The following ADAMTS6 variants were observed in gnomAD, a reference collection of about 807,000 sequenced individuals.
ADAMTS6 encodes the protein A disintegrin and metalloproteinase with thrombospondin motifs 6.
A neutral mutation model predicts 144.3 loss-of-function variants in ADAMTS6; 23 were observed. The ratio of observed to expected loss-of-function variants is 0.16; its 90% CI spans 0.11 to 0.23. The LOEUF is 0.23. Ranked by LOEUF, ADAMTS6 falls within the 10% of genes least tolerant of loss-of-function variation. ADAMTS6 has a pLI of 1.00. For missense variants in ADAMTS6, 999 were observed against 1,379.6 expected, an observed-to-expected ratio of 0.72 and a Z score of 4.37; for synonymous variants, 444 against 457.5, an observed-to-expected ratio of 0.97 and a Z score of 0.38.
intron 7 of ADAMTS6, among the ~76,000 whole-genome samples, chr5:65,405,781 T>A (rs555505175): frequency 1.2e-4 from 19 of 152,348 alleles, no homozygotes; most frequent in Non-Finnish European, 1.5e-4. Flanking sequence ...TCCATGAGCA[T>A]GGAATGTTCT....
chr5:65,157,506 A>C (rs2111973985), intron 24 of ADAMTS6, among the ~76,000 whole-genome samples: 1 of 152,280 alleles, frequency 6.6e-6, no homozygotes. Flanking sequence ...ACCCTTCATG[A>C]CCAGGTTGGA....
chr5:65,471,126 A>G lies in ADAMTS6; in HGVS notation c.114T>C (p.Tyr38=), dbSNP rs1341595080. ...GAATAGTTAGCTGGTAGTGTTCAAGATAAGTCAGGAATTCCTCTTTGTAAT... is the reference window on the plus strand; with the variant it reads ...GAATAGTTAGCTGGTAGTGTTCAAGGTAAGTCAGGAATTCCTCTTTGTAAT... ...SYSSQEEFLT[Y]LEHYQLTIPI... is the part of the protein sequence containing the mutation. The change falls in exon 3 of 25, where the codon TAT becomes TAC. Residue 38 remains tyrosine (Y), a synonymous_variant. Transcript: ENST00000381055. 3 of 1,595,684 alleles carry G rather than the reference A, an allele frequency of 1.9e-6. No individual in the cohort carries two copies. Among genetic ancestry groups the G allele is most frequent in the Admixed American group, 1.8e-5 (1 of 54,882 alleles).
intron 24 of ADAMTS6, among the ~76,000 whole-genome samples, chr5:65,156,779 G>C (rs994986692): frequency 1.3e-5 from 2 of 152,148 alleles, no homozygotes; most frequent in Non-Finnish European, 2.9e-5. Context: ...AGATGAAGGA[G>C]GCTTATTTTC....
chr5:65,354,681 C>T (rs1250353209), intron 7 of ADAMTS6, among the ~76,000 whole-genome samples: 1 of 151,644 alleles, frequency 6.6e-6, no homozygotes, highest in Non-Finnish European at 1.5e-5. Flanking sequence ...CAGTAAACTA[C>T]TTTAATTTAG....
At chr5:65,273,541 G>A (rs1157373243) in intron 11 of ADAMTS6, 94 bp from the exon 12 acceptor site, 5 of 1,007,140 alleles carry the variant, frequency 5.0e-6, no homozygotes, top group Non-Finnish European at 7.5e-6. Context: ...TTACTTTCAA[G>A]AGACCCTGGG....
chr5:65,301,071 C>A (rs1228144842), intron 9 of ADAMTS6, among the ~76,000 whole-genome samples: 1 of 152,120 alleles, frequency 6.6e-6, no homozygotes. Flanking sequence ...TAGCCTCCTT[C>A]ATTTTTAAAA....
At chr5:65,458,912 A>C (rs1020608497) in intron 4 of ADAMTS6, among the ~76,000 whole-genome samples, 1 of 152,196 alleles carries the variant, frequency 6.6e-6, no homozygotes, top group Non-Finnish European at 1.5e-5. Flanking sequence ...TTGGGTAACT[A>C]GTATGTGCTA....
intron 20 of ADAMTS6, among the ~76,000 whole-genome samples, chr5:65,202,140 A>G (rs1482904595): frequency 6.6e-6 from 1 of 152,172 alleles, no homozygotes; most frequent in Non-Finnish European, 1.5e-5. Flanking sequence ...TCTTCTGAAG[A>G]GCCTCCTGCT....
chr5:65,320,778 C>G (rs1745539838), intron 9 of ADAMTS6, among the ~76,000 whole-genome samples: 2 of 152,126 alleles, frequency 1.3e-5, no homozygotes, highest in South Asian at 4.1e-4. Context: ...TTAGCTCCCA[C>G]TTATAAATGA....
intron 12 of ADAMTS6, among the ~76,000 whole-genome samples, chr5:65,272,242 C>A (rs1032258313): frequency 9.2e-5 from 14 of 152,154 alleles, no homozygotes; most frequent in African/African-American, 3.1e-4. Flanking sequence ...ATAGTTATTG[C>A]AAATTCAGTC....
At chr5:65,201,732 A>G (rs535796445) in intron 20 of ADAMTS6, among the ~76,000 whole-genome samples, 1 of 152,334 alleles carries the variant, frequency 6.6e-6, no homozygotes, top group African/African-American at 2.4e-5. Flanking sequence ...ATAGCACATC[A>G]TATCTACCCA....
chr5:65,225,185 A>C, intron 16 of ADAMTS6, 138 bp from the exon 17 acceptor site: 1 of 1,029,418 alleles, frequency 9.7e-7, no homozygotes, highest in Non-Finnish European at 1.4e-6. Flanking sequence ...AATAAAAACC[A>C]TACTTGGGTC....
chr5:65,401,219 T>A (rs2150164134), intron 7 of ADAMTS6, among the ~76,000 whole-genome samples: 1 of 152,286 alleles, frequency 6.6e-6, no homozygotes, highest in Middle Eastern at 3.4e-3. Context: ...TACAATTAGG[T>A]CTCAGCCTTT....
intron 7 of ADAMTS6, among the ~76,000 whole-genome samples, chr5:65,440,256 A>G (rs1757765423): frequency 6.6e-6 from 1 of 152,246 alleles, no homozygotes; most frequent in Non-Finnish European, 1.5e-5. Flanking sequence ...AATAGGGATC[A>G]AATTTATCCT....
chr5:65,362,906 T>G (rs1232294985), intron 7 of ADAMTS6, among the ~76,000 whole-genome samples: 4 of 152,170 alleles, frequency 2.6e-5, no homozygotes, highest in Non-Finnish European at 5.9e-5. Context: ...ATAATTTGCT[T>G]CTTAAATTTC....
At chr5:65,170,995 C>T (rs936082626) in intron 23 of ADAMTS6, among the ~76,000 whole-genome samples, 21 of 151,738 alleles carry the variant, frequency 1.4e-4, no homozygotes, top group African/African-American at 2.4e-4. Context: ...TGAGCCACCA[C>T]GCCCAGCCAC....
At chr5:65,215,278 G>A (rs1190808939) in intron 19 of ADAMTS6, 46 bp downstream of exon 19, 2 of 1,591,438 alleles carry the variant, frequency 1.3e-6, no homozygotes, top group African/African-American at 1.3e-5. Flanking sequence ...TACCTCACAA[G>A]GGGGAATTAA....
chr5:65,434,716 T>C (rs1186357482), intron 7 of ADAMTS6, among the ~76,000 whole-genome samples: 4 of 152,210 alleles, frequency 2.6e-5, no homozygotes, highest in African/African-American at 9.6e-5. Context: ...TTGCTACTTA[T>C]TGACTATTTA....
rs753695363 is a variant in ADAMTS6, at chr5:65,452,229, A to AAAT, written c.844-16_844-14dup. The AAAT allele has an allele frequency of 1.3e-5, 21 of 1,610,040 alleles. No homozygotes were observed. In the South Asian group the frequency reaches 2.3e-4, roughly 18 times the overall value. On this transcript the variant is annotated splice_polypyrimidine_tract_variant and intron_variant, in intron 5 of 24. Transcript: ENST00000381055. ...AAAGTTTGGCAACCTGACCTCCAGA[A>AAAT]AATAAGAAAAGACACAAAGTCAGAC...
Sources: allele counts gnomAD v4.1 joint callset (sites outside exome capture counted in the v4.1 genomes callset), GRCh38; gene constraint gnomAD v4.1.1; transcripts MANE v1.5; gene names NCBI Gene and HGNC (gene_info 2026-07-23, HGNC 2026-07-21).